BBOF1: variants seen among roughly 807,000 people sequenced by gnomAD.
The protein encoded by BBOF1 is basal body orientation factor 1.
A neutral mutation model predicts 68.0 loss-of-function variants in BBOF1; 62 were observed. That is an observed-to-expected ratio of 0.91 (90% confidence interval 0.74 to 1.13). The LOEUF (loss-of-function observed/expected upper bound fraction) is 1.13. Among genes scored for constraint, BBOF1 ranks in the 50% most tolerant of loss-of-function variants. The pLI is 0.00. For missense variants in BBOF1, 534 were observed against 600.1 expected, an observed-to-expected ratio of 0.89 and a Z score of 1.15; for synonymous variants, 208 against 198.8, an observed-to-expected ratio of 1.05 and a Z score of -0.39.
intron 11 of BBOF1, chr14:74,060,468 T>C: frequency 1.6e-6 from 1 of 630,548 alleles, no homozygotes. Context: ...GGTTTCATTG[T>C]TACACTAGGC....
intron 9 of BBOF1, among the ~76,000 whole-genome samples, chr14:74,073,412 T>C (rs552205793): frequency 2.1e-5 from 3 of 142,730 alleles, no homozygotes; most frequent in Non-Finnish European, 4.5e-5. Flanking sequence ...GACTATAGTA[T>C]ATATTAAGAT....
At chr14:74,071,192 T>C in intron 9 of BBOF1, 1 of 1,613,852 alleles carries the variant, frequency 6.2e-7, no homozygotes, top group African/African-American at 1.3e-5. Context: ...TAAGGGCAGT[T>C]ACCTTCATGC....
chr14:74,040,441 G>A (rs549893500), intron 4 of BBOF1, 124 bp from the exon 5 acceptor site: 2 of 617,514 alleles, frequency 3.2e-6, no homozygotes, highest in South Asian at 4.8e-5. Context: ...TTTTTTCTGT[G>A]TGTTCAGGAT....
At chr14:74,064,575 C>T in intron 11 of BBOF1, 113 bp from the exon 12 acceptor site, 1 of 933,168 alleles carries the variant, frequency 1.1e-6, no homozygotes, top group Admixed American at 1.7e-5. Flanking sequence ...CAGGAAATGG[C>T]ATATACAAAG....
At chr14:74,068,442 A>G (rs2060502864), downstream of BBOF1, among the ~76,000 whole-genome samples, 1 of 151,634 alleles carries the variant, frequency 6.6e-6, no homozygotes, top group Non-Finnish European at 1.5e-5. Context: ...GTTCATGATT[A>G]AAGAGAAGAC....
Position 74,065,078 on chromosome 14 carries a change from G to A in BBOF1, c.*379G>A. 4.1e-6 allele frequency: 6 copies of A among 1,449,112 alleles called. No homozygotes were observed. Among genetic ancestry groups the A allele is most frequent in the Non-Finnish European group, 5.8e-6 (6 of 1,040,674 alleles). 89.8% of individuals were successfully genotyped at this position (1,449,112 alleles called of 1,614,324 possible). On this transcript the variant is annotated 3_prime_UTR_variant, in exon 12 of 12. Transcript: ENST00000394009. ...AGGAAGAAATGGGGCAATGTGGGAG[G>A]TCATGGGGGCAATCTTAAACCAATG...
rs559782681 is a variant in BBOF1, at chr14:74,074,131, C to T, written n.1380-4065C>T. ...TCCCAGGCAGCTGGGACCATAGGTA[C>T]GCACCACCACGCCTGGCTAATTTTT... is the stretch of plus-strand genomic sequence containing the variant. On this transcript the variant is annotated intron_variant and non_coding_transcript_variant, in intron 9 of 12. Coordinates refer to the BBOF1 transcript ENST00000492026. Among the ~76,000 whole-genome samples the T allele has an allele frequency of 1.3e-3, 202 of 151,424 alleles. 1 individual carries two copies. The highest frequency in any genetic ancestry group is 4.7e-3 in the African/African-American group (193 of 41,298).
intron 10 of BBOF1, among the ~76,000 whole-genome samples, chr14:74,080,084 C>T (rs1417683402): frequency 6.6e-6 from 1 of 152,136 alleles, no homozygotes; most frequent in East Asian, 1.9e-4. Flanking sequence ...AACTCTGCAT[C>T]TTCCTTTTGC....
At position 74,047,988 on chromosome 14, in the gene BBOF1, C is replaced by A; in HGVS notation, c.706C>A (p.Leu236Met). ...FKENDYLQKA[L>M]AYHLKETDAL... ...AGAGAATGATTATCTTCAGAAAGCT[C>A]TGGCATATCACCTGAAGGAAACTGA... Residue 236 changes from leucine (L) to methionine (M), a missense_variant, in exon 7 of 12, where the codon CTG becomes ATG. Leu to Met is a conservative substitution (Grantham distance 15). Coordinates refer to ENST00000394009, the MANE Select transcript of BBOF1 (RefSeq NM_025057.3). 6.2e-7 allele frequency: 1 copy of A among 1,613,076 alleles called. No individual in the cohort carries two copies. Among genetic ancestry groups the A allele is most frequent in the Non-Finnish European group, 8.5e-7 (1 of 1,179,510 alleles).
At chr14:74,076,713 A>AT (rs979275694) in intron 9 of BBOF1, among the ~76,000 whole-genome samples, 44 of 151,224 alleles carry the variant, frequency 2.9e-4, no homozygotes, top group East Asian at 1.4e-3. Flanking sequence ...ATTTTATTTT[A>AT]TTTTTTTTGT....
chr14:74,057,661 G>A (rs1251448310), intron 11 of BBOF1: 4 of 1,324,206 alleles, frequency 3.0e-6, no homozygotes, highest in Non-Finnish European at 3.9e-6. Context: ...TTTAAGCCAA[G>A]TTTTTCTCTT....
At chr14:74,072,435 T>C (rs1174190180) in intron 9 of BBOF1, 2 of 1,613,258 alleles carry the variant, frequency 1.2e-6, no homozygotes, top group African/African-American at 2.7e-5. Flanking sequence ...GTCACAGAAG[T>C]GGCACTATGT....
chr14:74,057,639 T>C (rs375778321), intron 11 of BBOF1: 22 of 1,332,436 alleles, frequency 1.7e-5, no homozygotes, highest in Non-Finnish European at 4.9e-6. Context: ...TAAGGAGATA[T>C]GAAATGATTT....
downstream of BBOF1, among the ~76,000 whole-genome samples, chr14:74,067,767 T>C (rs1054202284): frequency 1.3e-5 from 2 of 150,970 alleles, no homozygotes; most frequent in African/African-American, 4.9e-5. Flanking sequence ...CTACAAAAAA[T>C]ACAAAAAATT....
At chr14:74,050,610 G>A (rs2060045402) in intron 8 of BBOF1, among the ~76,000 whole-genome samples, 1 of 152,066 alleles carries the variant, frequency 6.6e-6, no homozygotes, top group Non-Finnish European at 1.5e-5. Flanking sequence ...GCCCAGGCTG[G>A]TCTTGAACTC....
At chr14:74,069,042 T>C, downstream of BBOF1, 2 of 1,557,840 alleles carry the variant, frequency 1.3e-6, no homozygotes, top group East Asian at 2.3e-5. Flanking sequence ...ACATGGCAAA[T>C]TTCCCCTTTC....
intron 8 of BBOF1, among the ~76,000 whole-genome samples, chr14:74,052,934 A>AGGCTGCAGTGAGCCAT (rs142399602): frequency 1.0e-3 from 152 of 147,924 alleles, no homozygotes; most frequent in Non-Finnish European, 1.7e-3. Flanking sequence ...CAGGAGTTCG[A>AGGCTGCAGTGAGCCAT]GGCTGCAGTG....
intron 11 of BBOF1, chr14:74,059,792 C>T (rs888810473): frequency 1.3e-5 from 2 of 155,712 alleles, no homozygotes; most frequent in African/African-American, 4.8e-5. Context: ...GTACTTGGCA[C>T]ATATAACAAA....
At chr14:74,032,132 T>A (rs951889196) in intron 3 of BBOF1, among the ~76,000 whole-genome samples, 5 of 146,270 alleles carry the variant, frequency 3.4e-5, no homozygotes, top group Admixed American at 2.0e-4. Context: ...TTTTTTTTTT[T>A]TTTTTTTTTT....
Sources: allele counts gnomAD v4.1 joint callset (sites outside exome capture counted in the v4.1 genomes callset), GRCh38; gene constraint gnomAD v4.1.1; transcripts MANE v1.5; gene names NCBI Gene and HGNC (gene_info 2026-07-23, HGNC 2026-07-21).